NTMT1: variants seen among roughly 807,000 people sequenced by gnomAD.
The protein encoded by NTMT1 is N-terminal Xaa-Pro-Lys N-methyltransferase 1, also known as N-terminal RCC1 methyltransferase.
NTMT1 carries 8 observed loss-of-function variants against 17.5 expected under a neutral mutation model. That is an observed-to-expected ratio of 0.46 (90% CI 0.27 to 0.82). The LOEUF is 0.82. NTMT1 is among the 40% of genes least tolerant of loss of function. The pLI, the probability that NTMT1 is intolerant of heterozygous loss-of-function variation, is 0.15. For missense variants in NTMT1, 221 were observed against 303.5 expected (o/e 0.73, Z 2.02); for synonymous variants, 128 against 126.8 (o/e 1.01, Z -0.06).
Position 129,635,431 on chromosome 9 carries a change from G to T in NTMT1, c.639G>T (p.Glu213Asp). The T allele has an allele frequency of 1.9e-6, 3 of 1,613,376 alleles. No individual in the cohort carries two copies. The highest frequency in any genetic ancestry group is 2.5e-6 in the Non-Finnish European group (3 of 1,180,016). Residue 213 changes from glutamate to aspartate, a missense_variant, in exon 4 of 4, where the codon GAG (glutamate) becomes GAT (aspartate). Glu to Asp is a conservative substitution (Grantham distance 45). Transcript: ENST00000372483. ...AGAGGCAGGAGAACCTCCCCGATGAGATCTACCATGTCTATAGCTTTGCCC... is the reference window on the plus strand; with the variant it reads ...AGAGGCAGGAGAACCTCCCCGATGATATCTACCATGTCTATAGCTTTGCCC... Reference protein sequence around the residue: ...AEERQENLPDEIYHVYSFALR With the variant: ...AEERQENLPDDIYHVYSFALR
chr9:129,633,844 TA>T (rs1220803559), intron 2 of NTMT1, among the ~76,000 whole-genome samples: 1 of 151,992 alleles, frequency 6.6e-6, no homozygotes, highest in Non-Finnish European at 1.5e-5. Flanking sequence ...CTTTCAAAGA[TA>T]AAGGAATGTG....
rs1396672823 is a variant in NTMT1 at position 129,635,198 on chromosome 9, C to T, written c.416-10C>T. The T allele has an allele frequency of 6.2e-7, 1 of 1,602,204 alleles. No homozygotes were observed. Among genetic ancestry groups the T allele is most frequent in the African/African-American group, 1.3e-5 (1 of 74,998 alleles). On this transcript the variant is annotated splice_polypyrimidine_tract_variant and intron_variant, in intron 3 of 3. Coordinates refer to ENST00000372483, the MANE Select transcript of NTMT1 (RefSeq NM_014064.4). ...TGGTGCCCTGGTAACCTTGCCTCTG[C>T]CCTCCCCAGGCCACCTCACCGATCA...
At position 129,634,044 on chromosome 9, in the gene NTMT1, T is replaced by A. The variant is rs756595551; in HGVS notation, c.163-10T>A. Reference sequence around the variant, plus strand: ...GTCCCTCTGATAGGTTATATGCCTCTGCTTTTCAGGAAGGCCCGAACAAGA... The same window carrying A: ...GTCCCTCTGATAGGTTATATGCCTCAGCTTTTCAGGAAGGCCCGAACAAGA... On this transcript the variant is annotated splice_polypyrimidine_tract_variant and intron_variant, in intron 2 of 3. Transcript: ENST00000372483. 6.2e-7 allele frequency: 1 copy of A among 1,612,644 alleles called. No individual in the cohort carries two copies. Among genetic ancestry groups the A allele is most frequent in the African/African-American group, 1.3e-5 (1 of 74,902 alleles).
rs1481332195 is a variant in NTMT1, at chr9:129,632,866, G to C, written c.162+1G>C. The C allele has an allele frequency of 6.2e-7, 1 of 1,613,878 alleles. No individual in the cohort carries two copies. The highest frequency in any genetic ancestry group is 1.1e-5 in the South Asian group (1 of 91,044). On this transcript the variant is annotated splice_donor_variant, in intron 2 of 3. Transcript: ENST00000372483. LOFTEE classifies it high-confidence loss of function. ...GAAGTTTCTGCAGAGGTTTTTGAGG[G>C]TAGGCAGGTCTGGCGTGCTCTCCAG...
At chr9:129,630,823 C>T (rs1459077618) in intron 1 of NTMT1, among the ~76,000 whole-genome samples, 1 of 152,224 alleles carries the variant, frequency 6.6e-6, no homozygotes, top group Non-Finnish European at 1.5e-5. Flanking sequence ...TTCCCTTTAC[C>T]ATGGGTTTAT....
chr9:129,609,090 A>ACTC (rs1437922622), exon 1 of NTMT1: 1 of 152,248 alleles, frequency 6.6e-6, no homozygotes, highest in African/African-American at 2.4e-5. Context: ...CTTAGGAGAG[A>ACTC]GCTCCTGTGT....
At chr9:129,621,051 C>CCTCT (rs1564340179) in intron 1 of NTMT1, among the ~76,000 whole-genome samples, 1 of 152,266 alleles carries the variant, frequency 6.6e-6, no homozygotes, top group Non-Finnish European at 1.5e-5. Context: ...AATAGCAGCA[C>CCTCT]CTGCCTCTCT....
upstream of NTMT1, among the ~76,000 whole-genome samples, chr9:129,625,695 G>A (rs1451600638): frequency 2.0e-5 from 3 of 152,002 alleles, no homozygotes; most frequent in Non-Finnish European, 4.4e-5. Context: ...GTGAGACCCC[G>A]TCTCTAATTT....
chr9:129,630,565 C>T (rs1451321598), intron 1 of NTMT1, among the ~76,000 whole-genome samples: 1 of 152,224 alleles, frequency 6.6e-6, no homozygotes, highest in Non-Finnish European at 1.5e-5. Context: ...TCTCTTGAAG[C>T]CCCTAGAGTG....
chr9:129,626,091 G>GC (rs944734696), upstream of NTMT1: 1 of 152,080 alleles, frequency 6.6e-6, no homozygotes, highest in Non-Finnish European at 1.5e-5. Context: ...GGAGGGGCGA[G>GC]CTGAGCGAGG....
intron 1 of NTMT1, chr9:129,612,399 T>C (rs3087721): frequency 0.05 from 81,357 of 1,612,926 alleles, 2,362 homozygotes; most frequent in Non-Finnish European, 0.06. Flanking sequence ...ATGGTACCCC[T>C]TAGGGCAGCC....
Position 129,635,732 on chromosome 9 carries a change from G to A in NTMT1, c.*268G>A, listed in dbSNP as rs758733240. 2.3e-6 allele frequency: 1 copy of A among 430,918 alleles called. No homozygotes were observed. Among genetic ancestry groups the A allele is most frequent in the East Asian group, 4.2e-5 (1 of 23,724 alleles). The allele number at this position is 430,918 out of a possible 1,614,324, so 26.7% of individuals were successfully genotyped here. The stretch of plus-strand genomic sequence containing the variant: ...GGGTGGAAGGGGCTCCAGGGCTCCT[G>A]GTGCTCCCCATGTGGGAATAGGGTG... On this transcript the variant is annotated 3_prime_UTR_variant, in exon 4 of 4. Coordinates refer to ENST00000372483, the MANE Select transcript of NTMT1 (RefSeq NM_014064.4).
At chr9:129,622,898 G>A (rs949278680), upstream of NTMT1, among the ~76,000 whole-genome samples, 9 of 152,030 alleles carry the variant, frequency 5.9e-5, no homozygotes, top group Non-Finnish European at 1.2e-4. Context: ...GCGTGACAGC[G>A]TGTGCCTGTA....
At chr9:129,610,300 G>GC (rs578072587) in intron 1 of NTMT1, among the ~76,000 whole-genome samples, 12,249 of 120,382 alleles carry the variant, frequency 0.1, 892 homozygotes, top group South Asian at 0.18. Context: ...TGCAGGCCCC[G>GC]CCCCCCCCCC....
At chr9:129,635,066 G>A in intron 3 of NTMT1, 142 bp from the exon 4 acceptor site, 1 of 944,886 alleles carries the variant, frequency 1.1e-6, no homozygotes, top group Admixed American at 2.3e-5. Flanking sequence ...AAATCTCTCG[G>A]GACTGAGAGC....
chr9:129,611,487 T>C (rs532418030), intron 1 of NTMT1, among the ~76,000 whole-genome samples: 29 of 152,306 alleles, frequency 1.9e-4, no homozygotes, highest in African/African-American at 7.0e-4. Flanking sequence ...CCCACACAGG[T>C]GCTTTGCCTT....
intron 1 of NTMT1, among the ~76,000 whole-genome samples, chr9:129,610,568 G>C (rs944257465): frequency 2.0e-5 from 3 of 151,984 alleles, no homozygotes; most frequent in Admixed American, 6.5e-5. Context: ...CGGCCGGAGC[G>C]GGGCTGTGCG....
At chr9:129,619,475 G>T in intron 1 of NTMT1, 1 of 1,327,192 alleles carries the variant, frequency 7.5e-7, no homozygotes, top group Non-Finnish European at 1.1e-6. Context: ...GGAAAGAAAT[G>T]CCCCTTTCCT....
chr9:129,616,937 G>A (rs756877191), intron 1 of NTMT1, among the ~76,000 whole-genome samples: 2 of 152,144 alleles, frequency 1.3e-5, no homozygotes, highest in African/African-American at 2.4e-5. Flanking sequence ...AGCTGGGCAC[G>A]GTGGCGTGCG....
Sources: gnomAD v4.1 joint callset for allele counts (sites outside exome capture counted in the v4.1 genomes callset) on GRCh38, gnomAD v4.1.1 for gene constraint, MANE v1.5 for transcripts, NCBI Gene and HGNC (gene_info 2026-07-23, HGNC 2026-07-21) for gene names.